The following LRBA variants were observed in gnomAD, a reference collection of about 807,000 sequenced individuals.
LRBA encodes the protein lipopolysaccharide-responsive and beige-like anchor protein.
Under a neutral mutation model 330.0 loss-of-function variants are expected in LRBA, and 176 were observed. That is an observed-to-expected ratio of 0.53 (90% confidence interval 0.47 to 0.60). The LOEUF is 0.60. Ranked by LOEUF, LRBA falls within the 20% of genes least tolerant of loss-of-function variation. The pLI, the probability that LRBA is intolerant of heterozygous loss-of-function variation, is 0.00. For synonymous variants in LRBA, 1,230 were observed against 1,193.0 expected, an observed-to-expected ratio of 1.03 and a Z score of -0.64; for missense variants, 3,259 against 3,444.8, an observed-to-expected ratio of 0.95 and a Z score of 1.35.
At chr4:150,716,257 G>T (rs1728189817) in intron 36 of LRBA, among the ~76,000 whole-genome samples, 2 of 152,216 alleles carry the variant, frequency 1.3e-5, no homozygotes, top group South Asian at 4.2e-4. Flanking sequence ...GACCAACCTG[G>T]CCAAGATGGT....
chr4:150,790,751 T>G (rs1343104529), intron 34 of LRBA, among the ~76,000 whole-genome samples: 1 of 152,216 alleles, frequency 6.6e-6, no homozygotes, highest in East Asian at 1.9e-4. Flanking sequence ...ACTTCCTTCT[T>G]TTAAGGTCAA....
intron 56 of LRBA, among the ~76,000 whole-genome samples, chr4:150,274,762 G>A (rs1044036068): frequency 1.2e-4 from 18 of 152,082 alleles, no homozygotes; most frequent in African/African-American, 4.3e-4. Context: ...TCAAATCCCT[G>A]AATAGACCAA....
At chr4:150,540,317 G>A (rs985263933) in intron 40 of LRBA, among the ~76,000 whole-genome samples, 1 of 152,036 alleles carries the variant, frequency 6.6e-6, no homozygotes, top group African/African-American at 2.4e-5. Context: ...AGGTTCAAGC[G>A]ATTCAAGTAG....
chr4:150,646,392 A>G (rs1328820993), intron 37 of LRBA, among the ~76,000 whole-genome samples: 5 of 152,088 alleles, frequency 3.3e-5, no homozygotes, highest in Non-Finnish European at 7.4e-5. Context: ...ACCAAACAGA[A>G]GTGGTTTAGG....
At chr4:150,996,571 A>G (rs1385514118) in intron 2 of LRBA, among the ~76,000 whole-genome samples, 4 of 152,198 alleles carry the variant, frequency 2.6e-5, no homozygotes, top group African/African-American at 9.6e-5. Flanking sequence ...CATTTGACAC[A>G]TGAAGAAATA....
chr4:150,996,911 T>C (rs1742714637), intron 2 of LRBA, among the ~76,000 whole-genome samples: 1 of 152,190 alleles, frequency 6.6e-6, no homozygotes, highest in Non-Finnish European at 1.5e-5. Context: ...ATGGAGTTGT[T>C]ACATGGAAAA....
At chr4:150,278,110 G>A (rs971412683) in intron 55 of LRBA, 106 bp from the exon 56 acceptor site, 2 of 900,812 alleles carry the variant, frequency 2.2e-6, no homozygotes, top group Non-Finnish European at 3.3e-6. Context: ...GCAGAGAGAA[G>A]AGAGAGAGAT....
chr4:150,665,341 T>A (rs992776280), intron 37 of LRBA, among the ~76,000 whole-genome samples: 1 of 152,198 alleles, frequency 6.6e-6, no homozygotes, highest in African/African-American at 2.4e-5. Flanking sequence ...CTAAGCACAG[T>A]GAGCCACTCA....
At chr4:150,341,720 A>G (rs891124608) in intron 48 of LRBA, among the ~76,000 whole-genome samples, 2 of 151,198 alleles carry the variant, frequency 1.3e-5, no homozygotes, top group African/African-American at 4.8e-5. Context: ...TAATATATAT[A>G]TATTTATTTA....
intron 40 of LRBA, among the ~76,000 whole-genome samples, chr4:150,554,182 T>A (rs1454855937): frequency 6.6e-6 from 1 of 152,188 alleles, no homozygotes; most frequent in African/African-American, 2.4e-5. Context: ...TGCCTTCCTG[T>A]ACCAATTTTG....
At chr4:150,750,687 T>C (rs1733407230) in intron 35 of LRBA, among the ~76,000 whole-genome samples, 2 of 151,920 alleles carry the variant, frequency 1.3e-5, no homozygotes, top group Admixed American at 1.3e-4. Flanking sequence ...CCCATCTTAG[T>C]CTCCCAAAGT....
intron 36 of LRBA, among the ~76,000 whole-genome samples, chr4:150,707,779 A>G (rs1332617065): frequency 6.6e-6 from 1 of 151,742 alleles, no homozygotes; most frequent in African/African-American, 2.4e-5. Flanking sequence ...GCATTTAAAC[A>G]AGGTTATCAA....
chr4:150,299,501 G>A lies in LRBA; in HGVS notation c.8017+3124C>T, dbSNP rs911916096. Reference sequence around the variant, plus strand: ...TTTTACACTTGATCTTAGCCAAAAGGCTGAGAAGCGATGTATTTATAGGTT... The same window carrying A: ...TTTTACACTTGATCTTAGCCAAAAGACTGAGAAGCGATGTATTTATAGGTT... On this transcript the variant is annotated intron_variant, in intron 53 of 56. Coordinates refer to ENST00000651943, the MANE Select transcript of LRBA (RefSeq NM_001364905.1). Among the ~76,000 whole-genome samples, 5 of 151,952 alleles carry A rather than the reference G, an allele frequency of 3.3e-5. No individual in the cohort carries two copies. The South Asian group carries it at 1.0e-3, about 32-fold the overall frequency.
chr4:150,665,891 T>C (rs1223217242), intron 37 of LRBA, among the ~76,000 whole-genome samples: 1 of 152,214 alleles, frequency 6.6e-6, no homozygotes. Context: ...CATTCTTCTA[T>C]GCCAAACTTC....
chr4:150,461,933 A>T (rs1031201891), intron 44 of LRBA, among the ~76,000 whole-genome samples: 14 of 151,826 alleles, frequency 9.2e-5, no homozygotes, highest in African/African-American at 3.1e-4. Context: ...GTAAAGAAAA[A>T]ATAATAAATC....
rs192914332 is a variant in LRBA, at chr4:150,299,561, C to A, written c.8017+3064G>T. 1.5e-3 allele frequency among the ~76,000 whole-genome samples: 230 copies of A among 152,028 alleles called. 1 individual carries two copies. Among genetic ancestry groups the A allele is most frequent in the African/African-American group, 5.2e-3 (218 of 41,528 alleles). On this transcript the variant is annotated intron_variant, in intron 53 of 56. Coordinates refer to ENST00000651943, the MANE Select transcript of LRBA (RefSeq NM_001364905.1). ...TTGAATTAGCCTGAGATTGCCAAAG[C>A]AGTATGTATATTAATATTAGATAAT...
chr4:150,432,299 C>T (rs1044819046), intron 46 of LRBA, among the ~76,000 whole-genome samples: 4 of 152,000 alleles, frequency 2.6e-5, no homozygotes, highest in Non-Finnish European at 4.4e-5. Flanking sequence ...CTCCTCTCTA[C>T]TGTTTAACAT....
intron 2 of LRBA, among the ~76,000 whole-genome samples, chr4:151,010,207 G>A (rs1013730469): frequency 6.6e-6 from 1 of 152,004 alleles, no homozygotes. Context: ...ATGAAAGTAT[G>A]TATTTGTCAC....
At chr4:150,675,902 C>A (rs1782503221) in intron 37 of LRBA, among the ~76,000 whole-genome samples, 2 of 152,012 alleles carry the variant, frequency 1.3e-5, no homozygotes, top group Admixed American at 6.6e-5. Flanking sequence ...TTTTCTAATT[C>A]TTGAATAAAC....
Sources: gnomAD v4.1 joint callset for allele counts (sites outside exome capture counted in the v4.1 genomes callset) on GRCh38, gnomAD v4.1.1 for gene constraint, MANE v1.5 for transcripts, NCBI Gene and HGNC (gene_info 2026-07-23, HGNC 2026-07-21) for gene names.